PSD3: variants seen among roughly 807,000 people sequenced by gnomAD.
The protein encoded by PSD3 is PH and SEC7 domain-containing protein 3.
In PSD3, 49 loss-of-function variants were observed where a neutral mutation model predicts 105.5. That is an observed-to-expected ratio of 0.46 (90% confidence interval 0.37 to 0.59). The LOEUF is 0.59. Among genes scored for constraint, PSD3 ranks in the 20% least tolerant of loss-of-function variants. The pLI, the probability that PSD3 is intolerant of heterozygous loss-of-function variation, is 0.00. For synonymous variants in PSD3, 557 were observed against 457.8 expected, an observed-to-expected ratio of 1.22 and a Z score of -2.77; for missense variants, 1,561 against 1,263.8, an observed-to-expected ratio of 1.24 and a Z score of -3.57.
intron 1 of PSD3, among the ~76,000 whole-genome samples, chr8:18,961,573 C>T (rs992848315): frequency 1.3e-5 from 2 of 152,002 alleles, no homozygotes; most frequent in Non-Finnish European, 2.9e-5. Context: ...GCTTGTAATC[C>T]CAGCTACTCG....
chr8:18,561,441 G>A (rs567668518), intron 14 of PSD3, among the ~76,000 whole-genome samples: 2 of 152,230 alleles, frequency 1.3e-5, no homozygotes, highest in Admixed American at 1.3e-4. Flanking sequence ...ATAGAAATAA[G>A]GAGAATGGTG....
At chr8:18,683,002 T>G (rs1419511243) in intron 9 of PSD3, among the ~76,000 whole-genome samples, 1 of 152,190 alleles carries the variant, frequency 6.6e-6, no homozygotes, top group Non-Finnish European at 1.5e-5. Context: ...TTATTCCATT[T>G]TTAAACCTGT....
intron 1 of PSD3, among the ~76,000 whole-genome samples, chr8:19,047,495 T>C (rs1481468055): frequency 1.3e-5 from 2 of 152,060 alleles, no homozygotes; most frequent in African/African-American, 4.8e-5. Context: ...TGCAAACCTC[T>C]GGGAGGTAAG....
intron 1 of PSD3, among the ~76,000 whole-genome samples, chr8:19,023,506 G>A (rs1827432635): frequency 6.6e-6 from 1 of 151,838 alleles, no homozygotes; most frequent in Admixed American, 6.6e-5. Flanking sequence ...ATAGATCACT[G>A]CAGCCTTGAC....
intron 1 of PSD3, among the ~76,000 whole-genome samples, chr8:19,039,641 T>C (rs1828058096): frequency 6.6e-6 from 1 of 152,218 alleles, no homozygotes; most frequent in Non-Finnish European, 1.5e-5. Flanking sequence ...CTGTGGCTCC[T>C]GATGTCCCAT....
Position 18,625,787 on chromosome 8 carries a change from CAAT to C in PSD3, c.2410+6823_2410+6825del, listed in dbSNP as rs201746815. ...AGTGTCTTCATGTATAAAATGAGGACAATAATAATATCTGCTTTATAGGACCAA... is the reference window on the plus strand; with the variant it reads ...AGTGTCTTCATGTATAAAATGAGGACAATAATATCTGCTTTATAGGACCAA... On this transcript the variant is annotated intron_variant, in intron 11 of 15. Coordinates refer to ENST00000327040, the MANE Select transcript of PSD3 (RefSeq NM_015310.4). Among the ~76,000 whole-genome samples the C allele has an allele frequency of 3.7e-3, 564 of 152,072 alleles. 2 individuals are homozygous for C. The highest frequency in any genetic ancestry group is 0.013 in the African/African-American group (530 of 41,500).
At chr8:18,793,032 G>A (rs1001570878) in intron 8 of PSD3, among the ~76,000 whole-genome samples, 16 of 152,134 alleles carry the variant, frequency 1.1e-4, no homozygotes, top group Admixed American at 4.6e-4. Flanking sequence ...GTAGGGACAT[G>A]GATGAAGCTG....
At chr8:18,715,901 T>C (rs114687818) in intron 9 of PSD3, among the ~76,000 whole-genome samples, 17 of 152,292 alleles carry the variant, frequency 1.1e-4, no homozygotes, top group African/African-American at 4.1e-4. Context: ...GACACAGCAG[T>C]AAAAATGCAA....
chr8:18,764,568 G>A (rs1047949007), intron 9 of PSD3, among the ~76,000 whole-genome samples: 14 of 151,948 alleles, frequency 9.2e-5, no homozygotes, highest in African/African-American at 3.4e-4. Flanking sequence ...TTCCAAATCT[G>A]GCAGAACTCT....
intron 9 of PSD3, among the ~76,000 whole-genome samples, chr8:18,664,907 T>C: frequency 6.6e-6 from 1 of 152,238 alleles, no homozygotes; most frequent in South Asian, 2.1e-4. Flanking sequence ...AGCATATCTG[T>C]TGACAGGATG....
At chr8:18,593,640 T>C (rs1381011214) in intron 12 of PSD3, among the ~76,000 whole-genome samples, 1 of 151,990 alleles carries the variant, frequency 6.6e-6, no homozygotes, top group Non-Finnish European at 1.5e-5. Flanking sequence ...ACCCAAAGGA[T>C]TATAAATCAT....
chr8:18,987,000 C>A (rs1825533554), intron 1 of PSD3, among the ~76,000 whole-genome samples: 1 of 152,112 alleles, frequency 6.6e-6, no homozygotes, highest in African/African-American at 2.4e-5. Context: ...TCGCCAAGGT[C>A]TGATCTTTTC....
chr8:18,556,251 G>C lies in PSD3; in HGVS notation c.2886C>G (p.Asp962Glu), dbSNP rs371850001. 3 of 1,613,896 alleles carry C rather than the reference G, an allele frequency of 1.9e-6. No individual in the cohort carries two copies. The highest frequency in any genetic ancestry group is 1.7e-6 in the Non-Finnish European group (2 of 1,179,956). Residue 962 changes from aspartate to glutamate, a missense_variant, in exon 15 of 16, where the codon GAC (aspartate) becomes GAG (glutamate). Coordinates refer to ENST00000327040, the MANE Select transcript of PSD3 (RefSeq NM_015310.4). ...GGTCTTTCAGTTTGTACTCATCGAC[G>C]TCCTTGGCTTTGACCTTCTTGTCGG... is the stretch of plus-strand genomic sequence containing the variant. ...YPPDKKVKAK[D>E]VDEYKLKDHY...
chr8:18,791,656 C>T (rs1228529853), intron 8 of PSD3, among the ~76,000 whole-genome samples: 2 of 152,102 alleles, frequency 1.3e-5, no homozygotes, highest in African/African-American at 4.8e-5. Flanking sequence ...TACCATTCTG[C>T]ACACAGACAT....
At chr8:18,581,831 T>A (rs548945297) in intron 12 of PSD3, among the ~76,000 whole-genome samples, 1 of 152,186 alleles carries the variant, frequency 6.6e-6, no homozygotes, top group Non-Finnish European at 1.5e-5. Flanking sequence ...TGTAAAGGGA[T>A]CTGACATTAC....
At chr8:18,919,116 G>T (rs1384387218) in intron 2 of PSD3, among the ~76,000 whole-genome samples, 2 of 152,024 alleles carry the variant, frequency 1.3e-5, no homozygotes, top group East Asian at 3.9e-4. Flanking sequence ...AATATGCTCA[G>T]TTTCTTAGGA....
rs532724636 is a variant in PSD3, at chr8:18,924,267, C to G, written c.130+11767G>C. ...TGCGTATCAAGCAGAGGCTGTGGTA[C>G]AGCTAAAATAATGGAGAACATATGG... On this transcript the variant is annotated intron_variant, in intron 2 of 15. Transcript: ENST00000327040. Among the ~76,000 whole-genome samples the G allele has an allele frequency of 5.9e-5, 9 of 152,276 alleles. No homozygotes were observed. In the East Asian group the frequency reaches 1.7e-3, roughly 29 times the overall value.
chr8:18,717,161 A>C (rs1802653099), intron 9 of PSD3, among the ~76,000 whole-genome samples: 1 of 152,210 alleles, frequency 6.6e-6, no homozygotes, highest in African/African-American at 2.4e-5. Context: ...ATGCAACCTA[A>C]AGCCAAAACA....
In PSD3 at chr8:18,938,559, G is replaced by A. The variant is rs138633989; in HGVS notation, c.22-2417C>T. Among the ~76,000 whole-genome samples the A allele has an allele frequency of 5.8e-3, 876 of 151,262 alleles. 4 individuals are homozygous for A. The highest frequency in any genetic ancestry group is 0.01 in the Middle Eastern group (3 of 288). On this transcript the variant is annotated intron_variant, in intron 1 of 15. Coordinates refer to ENST00000327040, the MANE Select transcript of PSD3 (RefSeq NM_015310.4). ...AATCGCTTGAACCTGGGACGTGGAG[G>A]TTGCAGTGAACCGCGATGGCGCTAT...
Sources: gnomAD v4.1 joint callset for allele counts (sites outside exome capture counted in the v4.1 genomes callset) on GRCh38, gnomAD v4.1.1 for gene constraint, MANE v1.5 for transcripts, NCBI Gene and HGNC (gene_info 2026-07-23, HGNC 2026-07-21) for gene names.